Variants in CSMD1 observed in about 807,000 individuals in gnomAD.
The protein encoded by CSMD1 is CUB and sushi domain-containing protein 1.
A neutral mutation model predicts 417.5 loss-of-function variants in CSMD1; 213 were observed. The observed-to-expected ratio is 0.51, with a 90% CI of 0.46 to 0.57. The LOEUF is 0.57. Among genes scored for constraint, CSMD1 ranks in the 20% least tolerant of loss-of-function variants. The pLI, the probability that CSMD1 is intolerant of heterozygous loss-of-function variation, is 0.00. For missense variants in CSMD1, 6,923 were observed against 4,529.7 expected (o/e 1.53, Z -15.17); for synonymous variants, 2,862 against 1,736.8 (o/e 1.65, Z -16.11).
chr8:4,122,895 A>G (rs1016116482), intron 3 of CSMD1, among the ~76,000 whole-genome samples: 2 of 152,226 alleles, frequency 1.3e-5, no homozygotes, highest in Non-Finnish European at 1.5e-5. Context: ...AGAAACTAAT[A>G]GCTACGAGAC....
chr8:3,838,784 ATAT>A (rs1051866171), intron 5 of CSMD1, among the ~76,000 whole-genome samples: 1 of 113,498 alleles, frequency 8.8e-6, no homozygotes, highest in African/African-American at 3.6e-5. Context: ...TAATAAATTG[ATAT>A]TATATAGTAT....
chr8:4,051,341 C>G (rs1308121129), intron 3 of CSMD1, among the ~76,000 whole-genome samples: 1 of 151,364 alleles, frequency 6.6e-6, no homozygotes, highest in Non-Finnish European at 1.5e-5. Flanking sequence ...CAAGTAAAGC[C>G]AGACTCGGCA....
At chr8:2,946,933 G>T (rs1002701054) in intron 68 of CSMD1, among the ~76,000 whole-genome samples, 8 of 152,082 alleles carry the variant, frequency 5.3e-5, no homozygotes, top group Admixed American at 5.2e-4. Context: ...GACATGAAGG[G>T]GTATCCCAGT....
chr8:3,792,908 T>C (rs571584409), intron 5 of CSMD1, among the ~76,000 whole-genome samples: 3 of 152,206 alleles, frequency 2.0e-5, no homozygotes, highest in Non-Finnish European at 2.9e-5. Flanking sequence ...ACCTGAGATT[T>C]ACCGTTAGGG....
intron 6 of CSMD1, among the ~76,000 whole-genome samples, chr8:3,711,613 T>C (rs1197454609): frequency 6.6e-6 from 1 of 152,168 alleles, no homozygotes; most frequent in African/African-American, 2.4e-5. Flanking sequence ...TGTGTTGTGG[T>C]GACAAATATC....
chr8:4,461,242 A>G (rs569883191), intron 2 of CSMD1, among the ~76,000 whole-genome samples: 12 of 152,164 alleles, frequency 7.9e-5, no homozygotes, highest in Admixed American at 2.0e-4. Flanking sequence ...TCAACCTGAT[A>G]AAAGTCACCT....
At chr8:4,905,999 A>T (rs73505893) in intron 1 of CSMD1, among the ~76,000 whole-genome samples, 2,254 of 152,244 alleles carry the variant, frequency 0.015, 43 homozygotes, top group African/African-American at 0.051. Context: ...CACTTTTGGC[A>T]GGAAGTCTGA....
chr8:4,416,877 G>A (rs886979907), intron 3 of CSMD1, among the ~76,000 whole-genome samples: 9 of 151,968 alleles, frequency 5.9e-5, no homozygotes, highest in African/African-American at 1.9e-4. Flanking sequence ...AAAATTTATA[G>A]ACATAGTACT....
At chr8:3,273,096 G>C (rs957269377) in intron 26 of CSMD1, among the ~76,000 whole-genome samples, 1 of 152,014 alleles carries the variant, frequency 6.6e-6, no homozygotes, top group Admixed American at 6.6e-5. Context: ...ATTATTTTGA[G>C]ATACGTCCCA....
chr8:3,359,014 T>C, intron 21 of CSMD1, 138 bp downstream of exon 21: 2 of 713,370 alleles, frequency 2.8e-6, no homozygotes, highest in Non-Finnish European at 4.7e-6. Flanking sequence ...CTCCCCTGGT[T>C]GGCAGAGTGG....
intron 5 of CSMD1, among the ~76,000 whole-genome samples, chr8:3,857,784 G>A (rs1394391077): frequency 6.6e-6 from 1 of 152,150 alleles, no homozygotes; most frequent in African/African-American, 2.4e-5. Flanking sequence ...ATGCAATGGG[G>A]GAAAAGGATA....
intron 1 of CSMD1, among the ~76,000 whole-genome samples, chr8:4,732,331 TA>T (rs1809940281): frequency 7.0e-6 from 1 of 143,004 alleles, no homozygotes; most frequent in Non-Finnish European, 1.5e-5. Flanking sequence ...TTAATAGATT[TA>T]AATTTCTTCT....
At chr8:4,285,973 C>T (rs1004848533) in intron 3 of CSMD1, among the ~76,000 whole-genome samples, 1 of 152,116 alleles carries the variant, frequency 6.6e-6, no homozygotes, top group Non-Finnish European at 1.5e-5. Flanking sequence ...TACACGTATG[C>T]AGTGAGTCAC....
chr8:4,701,265 C>A (rs1807521050), intron 1 of CSMD1, among the ~76,000 whole-genome samples: 1 of 151,944 alleles, frequency 6.6e-6, no homozygotes, highest in Admixed American at 6.6e-5. Flanking sequence ...CTGGCAAATA[C>A]CAATGATAAG....
At chr8:4,708,705 T>G (rs1267309453) in intron 1 of CSMD1, among the ~76,000 whole-genome samples, 1 of 152,042 alleles carries the variant, frequency 6.6e-6, no homozygotes, top group Non-Finnish European at 1.5e-5. Flanking sequence ...ATTTCCCAAC[T>G]GTGGCGGTGG....
At chr8:4,853,397 C>T (rs1801600574) in intron 1 of CSMD1, among the ~76,000 whole-genome samples, 1 of 152,212 alleles carries the variant, frequency 6.6e-6, no homozygotes, top group Non-Finnish European at 1.5e-5. Context: ...ACAGGTACAG[C>T]TCATATTGCT....
chr8:4,926,367 T>G (rs1181675579), intron 1 of CSMD1, among the ~76,000 whole-genome samples: 1 of 152,220 alleles, frequency 6.6e-6, no homozygotes, highest in Non-Finnish European at 1.5e-5. Context: ...CATGAACTCT[T>G]TATCTTTACG....
intron 5 of CSMD1, among the ~76,000 whole-genome samples, chr8:3,818,568 C>A (rs560460306): frequency 4.6e-5 from 7 of 152,084 alleles, no homozygotes; most frequent in Admixed American, 3.3e-4. Flanking sequence ...AGCATGAAGA[C>A]GTGAAGGAGG....
chr8:3,495,631 T>C (rs1796333328), intron 10 of CSMD1, among the ~76,000 whole-genome samples: 1 of 152,194 alleles, frequency 6.6e-6, no homozygotes, highest in Non-Finnish European at 1.5e-5. Context: ...AGCTTTTAGT[T>C]TGTCATATGG....
Sources: gnomAD v4.1 joint callset for allele counts (sites outside exome capture counted in the v4.1 genomes callset) on GRCh38, gnomAD v4.1.1 for gene constraint, MANE v1.5 for transcripts, NCBI Gene and HGNC (gene_info 2026-07-23, HGNC 2026-07-21) for gene names.